SPATA13: variants seen among roughly 807,000 people sequenced by gnomAD.
SPATA13 encodes spermatogenesis-associated protein 13.
A neutral mutation model predicts 104.0 loss-of-function variants in SPATA13; 50 were observed. The observed-to-expected ratio is 0.48, with a 90% CI of 0.38 to 0.61. SPATA13 has a LOEUF of 0.61. Among genes scored for constraint, SPATA13 ranks in the 20% least tolerant of loss-of-function variants. SPATA13 has a pLI of 0.00. For synonymous variants in SPATA13, 606 were observed against 667.5 expected (o/e 0.91, Z 1.42); for missense variants, 1,524 against 1,690.6 (o/e 0.90, Z 1.73).
At chr13:23,984,021 G>C in intron 2 of SPATA13, 1 of 895,434 alleles carries the variant, frequency 1.1e-6, no homozygotes, top group Non-Finnish European at 1.3e-6. Context: ...GGCTGTTTGT[G>C]AAGGGCAGCC....
chr13:24,184,524 G>A (rs758924048), intron 1 of SPATA13, among the ~76,000 whole-genome samples: 1 of 152,172 alleles, frequency 6.6e-6, no homozygotes, highest in African/African-American at 2.4e-5. Flanking sequence ...TGGTGGTAGT[G>A]TTGCCAGTTT....
chr13:24,251,690 C>T, intron 3 of SPATA13, 28 bp from the exon 4 acceptor site: 1 of 1,612,194 alleles, frequency 6.2e-7, no homozygotes, highest in Non-Finnish European at 8.5e-7. Context: ...CCTGGTACCT[C>T]CTCACAGATT....
chr13:24,198,152 T>TA (rs1870180997), intron 1 of SPATA13, among the ~76,000 whole-genome samples: 3 of 152,090 alleles, frequency 2.0e-5, no homozygotes, highest in Non-Finnish European at 4.4e-5. Flanking sequence ...CCCGCCACCA[T>TA]GCCAGCTAAT....
At chr13:24,245,565 C>A (rs1420755154) in intron 2 of SPATA13, among the ~76,000 whole-genome samples, 1 of 141,906 alleles carries the variant, frequency 7.0e-6, no homozygotes, top group Non-Finnish European at 1.5e-5. Flanking sequence ...AAATACTGAA[C>A]GTAGAATTAC....
chr13:24,260,790 G>T (rs139509160), intron 4 of SPATA13, among the ~76,000 whole-genome samples: 1 of 152,198 alleles, frequency 6.6e-6, no homozygotes. Flanking sequence ...AAATCATAGC[G>T]GATGCATATG....
intron 4 of SPATA13, among the ~76,000 whole-genome samples, chr13:24,263,593 G>A (rs951272633): frequency 2.0e-5 from 3 of 152,116 alleles, no homozygotes; most frequent in African/African-American, 7.2e-5. Context: ...ATCACCTCTA[G>A]ATTACTTAAA....
chr13:24,079,487 T>G (rs376552085), intron 3 of SPATA13, among the ~76,000 whole-genome samples: 7 of 152,158 alleles, frequency 4.6e-5, no homozygotes, highest in South Asian at 2.1e-4. Context: ...CTGGCTGAAC[T>G]TTCCCTGCTA....
chr13:24,067,175 A>G lies in SPATA13; in HGVS notation c.-112+49474A>G, dbSNP rs752124114. On this transcript the variant is annotated intron_variant, in intron 3 of 14. Transcript: ENST00000424834. ...TCAGCCCAGGCACTGCTGCCTGCCC[A>G]ATCTTTACACTTCAGTCTCAGTCTT... Among the ~76,000 whole-genome samples, 5 of 152,216 alleles carry G rather than the reference A, an allele frequency of 3.3e-5. No homozygotes were observed. In the South Asian group the frequency reaches 6.2e-4, roughly 19 times the overall value.
At chr13:24,192,546 A>G (rs959816087) in intron 1 of SPATA13, among the ~76,000 whole-genome samples, 10 of 152,120 alleles carry the variant, frequency 6.6e-5, no homozygotes, top group African/African-American at 2.2e-4. Context: ...CACTCACTCC[A>G]GACATCTTGA....
chr13:24,119,657 T>C (rs1259775856), intron 3 of SPATA13, among the ~76,000 whole-genome samples: 1 of 152,168 alleles, frequency 6.6e-6, no homozygotes, highest in Non-Finnish European at 1.5e-5. Context: ...TTTGCAAGCT[T>C]TGTCTCATCT....
Position 24,222,808 on chromosome 13 carries a change from T to G in SPATA13, c.-111-11T>G, listed in dbSNP as rs1394615471. The G allele has an allele frequency of 2.5e-5, 37 of 1,504,666 alleles. No homozygotes were observed. The highest frequency in any genetic ancestry group is 2.9e-5 in the Non-Finnish European group (33 of 1,121,056). 93.2% of individuals were successfully genotyped at this position (1,504,666 alleles called of 1,614,324 possible). ...AAATGGCTAAACCGCCTGCTTTGTCTTTCACTGCAGCCCGTGGCCACCCAG... is the reference window on the plus strand; with the variant it reads ...AAATGGCTAAACCGCCTGCTTTGTCGTTCACTGCAGCCCGTGGCCACCCAG... On this transcript the variant is annotated splice_polypyrimidine_tract_variant and intron_variant, in intron 1 of 12. Transcript: ENST00000382108.
chr13:24,201,289 T>G (rs1247896247), intron 1 of SPATA13, among the ~76,000 whole-genome samples: 2 of 152,272 alleles, frequency 1.3e-5, no homozygotes, highest in East Asian at 3.9e-4. Context: ...ATAGTCTATT[T>G]TTTAGAGCAC....
chr13:24,170,693 AG>A (rs1882933334), intron 1 of SPATA13, among the ~76,000 whole-genome samples: 1 of 152,128 alleles, frequency 6.6e-6, no homozygotes. Context: ...TGGCGTAAAA[AG>A]ATCATTATGC....
chr13:24,183,915 G>A (rs1868971666), intron 1 of SPATA13, among the ~76,000 whole-genome samples: 1 of 152,084 alleles, frequency 6.6e-6, no homozygotes, highest in East Asian at 1.9e-4. Flanking sequence ...AGCGTCACAT[G>A]GTGTTTTCCA....
chr13:24,192,718 A>T (rs1869832145), intron 1 of SPATA13, among the ~76,000 whole-genome samples: 2 of 152,164 alleles, frequency 1.3e-5, no homozygotes, highest in South Asian at 4.1e-4. Flanking sequence ...TGATTGGGTC[A>T]GGCTGTTGGA....
chr13:24,222,786 T>C (rs1162899154), intron 1 of SPATA13, 33 bp from the exon 2 acceptor site: 31 of 1,485,310 alleles, frequency 2.1e-5, no homozygotes, highest in Non-Finnish European at 2.8e-5. Flanking sequence ...GCGTGGGAAA[T>C]GGCTAAACCG....
At chr13:24,166,589 C>T (rs887510465) in intron 1 of SPATA13, among the ~76,000 whole-genome samples, 14 of 152,208 alleles carry the variant, frequency 9.2e-5, no homozygotes, top group Non-Finnish European at 2.9e-5. Context: ...GTTCTAGCAT[C>T]AGCAACACTT....
intron 3 of SPATA13, among the ~76,000 whole-genome samples, chr13:24,141,948 GTTTAC>G (rs1338067722): frequency 6.6e-6 from 1 of 152,098 alleles, no homozygotes; most frequent in Non-Finnish European, 1.5e-5. Context: ...TCATGTTGCT[GTTTAC>G]TCACCTCAGT....
At chr13:24,153,835 A>G (rs1882176637) in intron 3 of SPATA13, among the ~76,000 whole-genome samples, 2 of 152,168 alleles carry the variant, frequency 1.3e-5, no homozygotes, top group African/African-American at 4.8e-5. Flanking sequence ...TGGAGTTTGG[A>G]ATTCATCCCT....
Sources: gnomAD v4.1 joint callset for allele counts (sites outside exome capture counted in the v4.1 genomes callset) on GRCh38, gnomAD v4.1.1 for gene constraint, MANE v1.5 for transcripts, NCBI Gene and HGNC (gene_info 2026-07-23, HGNC 2026-07-21) for gene names.